Variants in ATP6V1H observed in about 807,000 individuals in gnomAD.
ATP6V1H encodes ATPase H+ transporting V1 subunit H.
ATP6V1H carries 39 observed loss-of-function variants against 71.7 expected under a neutral mutation model. The observed-to-expected ratio is 0.54, with a 90% CI of 0.42 to 0.71. The LOEUF is 0.71. Among genes scored for constraint, ATP6V1H ranks in the 30% least tolerant of loss-of-function variants. The pLI is 0.00. For synonymous variants in ATP6V1H, 192 were observed against 199.3 expected, an observed-to-expected ratio of 0.96 and a Z score of 0.31; for missense variants, 509 against 594.9, an observed-to-expected ratio of 0.86 and a Z score of 1.50.
chr8:53,787,733 A>T (rs1050471370), intron 9 of ATP6V1H, among the ~76,000 whole-genome samples: 11 of 152,178 alleles, frequency 7.2e-5, no homozygotes, highest in African/African-American at 2.7e-4. Flanking sequence ...AAACATCCTA[A>T]TTTATTTTAG....
intron 6 of ATP6V1H, among the ~76,000 whole-genome samples, chr8:53,814,181 AG>A (rs1563478747): frequency 6.6e-6 from 1 of 152,096 alleles, no homozygotes; most frequent in Non-Finnish European, 1.5e-5. Flanking sequence ...TCTTTCAGAG[AG>A]CTCTCCAAAA....
chr8:53,829,301 C>T (rs970668499), intron 4 of ATP6V1H, 143 bp downstream of exon 4: 2 of 576,076 alleles, frequency 3.5e-6, no homozygotes, highest in East Asian at 3.6e-5. Context: ...TAGCAAATTA[C>T]AACCCACATA....
intron 2 of ATP6V1H, among the ~76,000 whole-genome samples, chr8:53,839,450 C>T (rs1030886069): frequency 1.3e-5 from 2 of 152,168 alleles, no homozygotes; most frequent in African/African-American, 4.8e-5. Flanking sequence ...AGTGGCCCCA[C>T]AATAACCCAG....
At chr8:53,726,810 A>C (rs957494080) in intron 13 of ATP6V1H, among the ~76,000 whole-genome samples, 3 of 152,186 alleles carry the variant, frequency 2.0e-5, no homozygotes, top group African/African-American at 7.2e-5. Flanking sequence ...TATCTGTGGC[A>C]CACAAGATCA....
intron 11 of ATP6V1H, among the ~76,000 whole-genome samples, chr8:53,761,507 A>T (rs1364379242): frequency 6.6e-6 from 1 of 152,168 alleles, no homozygotes; most frequent in Admixed American, 6.5e-5. Flanking sequence ...TATCATAATA[A>T]AGATATGCAT....
chr8:53,798,610 AAC>A (rs59831761), intron 8 of ATP6V1H, among the ~76,000 whole-genome samples: 14,434 of 148,352 alleles, frequency 0.097, 1,262 homozygotes, highest in African/African-American at 0.24. Context: ...CAATGTGAGA[AAC>A]ACACACACAC....
At chr8:53,736,455 A>G (rs530752941) in intron 13 of ATP6V1H, among the ~76,000 whole-genome samples, 1 of 152,330 alleles carries the variant, frequency 6.6e-6, no homozygotes, top group East Asian at 1.9e-4. Flanking sequence ...GACGCCCACA[A>G]GTTCAAGCTT....
In ATP6V1H at chr8:53,749,604, G is replaced by A. The variant is rs188889919; in HGVS notation, c.1278-5914C>T. 4.6e-5 allele frequency among the ~76,000 whole-genome samples: 7 copies of A among 152,212 alleles called. 1 individual carries two copies. The highest frequency in any genetic ancestry group is 1.3e-4 in the Admixed American group (2 of 15,294). ...GCTTATAACTGAGCTTTTAGGCCAC[G>A]GGCAGGTGGCTAAATGTAAGGGAGA... On this transcript the variant is annotated intron_variant, in intron 12 of 13. Coordinates refer to ENST00000359530, the MANE Select transcript of ATP6V1H (RefSeq NM_015941.4).
intron 9 of ATP6V1H, among the ~76,000 whole-genome samples, chr8:53,780,425 AG>A (rs1245100377): frequency 6.6e-5 from 10 of 152,240 alleles, no homozygotes; most frequent in Non-Finnish European, 1.0e-4. Context: ...AAAAATGAAA[AG>A]AAGGAATGAA....
chr8:53,817,098 G>T (rs1432240099), intron 5 of ATP6V1H, among the ~76,000 whole-genome samples: 1 of 151,988 alleles, frequency 6.6e-6, no homozygotes, highest in East Asian at 1.9e-4. Context: ...TACTCCTATG[G>T]GAACGGACAG....
intron 9 of ATP6V1H, among the ~76,000 whole-genome samples, chr8:53,791,076 A>T (rs868771390): frequency 6.6e-6 from 1 of 152,218 alleles, no homozygotes; most frequent in South Asian, 2.1e-4. Context: ...AAAAAAGGAA[A>T]GACAAGGGAG....
chr8:53,788,601 C>G (rs1163312685), intron 9 of ATP6V1H, among the ~76,000 whole-genome samples: 5 of 152,170 alleles, frequency 3.3e-5, no homozygotes. Flanking sequence ...ACTGTTATTT[C>G]ATGGATTCCT....
Position 53,759,951 on chromosome 8 carries a change from G to C in ATP6V1H, c.1176-3295C>G, listed in dbSNP as rs539562870. 3.3e-5 allele frequency among the ~76,000 whole-genome samples: 5 copies of C among 152,294 alleles called. No individual in the cohort carries two copies. In the South Asian group the frequency reaches 1.0e-3, roughly 32 times the overall value. On this transcript the variant is annotated intron_variant, in intron 11 of 13. Transcript: ENST00000359530. The stretch of plus-strand genomic sequence containing the variant: ...TATGCATGATGCTTTTTAAACAGCA[G>C]AATCAAATAAAGATTTCATCCAGAT...
chr8:53,793,959 C>A (rs1277735992), intron 9 of ATP6V1H, among the ~76,000 whole-genome samples: 1 of 151,978 alleles, frequency 6.6e-6, no homozygotes, highest in South Asian at 2.1e-4. Context: ...AAAAAGTGTA[C>A]AAACACATTC....
At chr8:53,806,804 A>C (rs1441651633) in intron 7 of ATP6V1H, 1 of 452,964 alleles carries the variant, frequency 2.2e-6, no homozygotes, top group Non-Finnish European at 4.4e-6. Flanking sequence ...AATCAATACA[A>C]AGCCCATTTT....
At chr8:53,839,982 T>C (rs1811289855) in intron 2 of ATP6V1H, 10 of 908,784 alleles carry the variant, frequency 1.1e-5, no homozygotes, top group Non-Finnish European at 1.3e-5. Flanking sequence ...AAAACATGTA[T>C]GACTCCCACC....
At chr8:53,749,387 T>C (rs1360200217) in intron 12 of ATP6V1H, among the ~76,000 whole-genome samples, 2 of 152,178 alleles carry the variant, frequency 1.3e-5, no homozygotes, top group Non-Finnish European at 2.9e-5. Context: ...ACTCGAGGGC[T>C]GGCCAGGCTG....
intron 4 of ATP6V1H, among the ~76,000 whole-genome samples, chr8:53,818,090 G>T (rs75157949): frequency 6.6e-6 from 1 of 152,118 alleles, no homozygotes; most frequent in Non-Finnish European, 1.5e-5. Flanking sequence ...AAAATTCTTA[G>T]TTCCAATCAT....
intron 10 of ATP6V1H, among the ~76,000 whole-genome samples, 187 bp downstream of exon 10, chr8:53,771,802 A>T (rs1403820722): frequency 1.3e-5 from 2 of 152,184 alleles, no homozygotes; most frequent in Non-Finnish European, 2.9e-5. Context: ...AAATAAGAAG[A>T]GATAACACAC....
Sources: gnomAD v4.1 joint callset for allele counts (sites outside exome capture counted in the v4.1 genomes callset) on GRCh38, gnomAD v4.1.1 for gene constraint, MANE v1.5 for transcripts, NCBI Gene and HGNC (gene_info 2026-07-23, HGNC 2026-07-21) for gene names.